Variants in RAB11FIP3 observed in about 807,000 individuals in gnomAD.
RAB11FIP3 encodes rab11 family-interacting protein 3.
A neutral mutation model predicts 77.8 loss-of-function variants in RAB11FIP3; 17 were observed. That is an observed-to-expected ratio of 0.22 (90% CI 0.15 to 0.33). RAB11FIP3 has a LOEUF of 0.33. Among genes scored for constraint, RAB11FIP3 ranks in the 10% least tolerant of loss-of-function variants. The pLI is 1.00. For synonymous variants in RAB11FIP3, 437 were observed against 448.2 expected (o/e 0.98, Z 0.31); for missense variants, 1,005 against 1,011.2 (o/e 0.99, Z 0.08).
At chr16:454,505 C>T (rs117575085) in intron 1 of RAB11FIP3, among the ~76,000 whole-genome samples, 2,730 of 152,108 alleles carry the variant, frequency 0.018, 43 homozygotes, top group Non-Finnish European at 0.028. Flanking sequence ...CGAGTCTAGT[C>T]GTTCACATCT....
At chr16:438,741 G>T (rs1158303956) in intron 1 of RAB11FIP3, among the ~76,000 whole-genome samples, 1 of 150,226 alleles carries the variant, frequency 6.7e-6, no homozygotes, top group African/African-American at 2.5e-5. Flanking sequence ...CCAGGCTGGA[G>T]TGCGGTGGCG....
chr16:431,847 C>T (rs547035283), intron 1 of RAB11FIP3, among the ~76,000 whole-genome samples: 3 of 151,888 alleles, frequency 2.0e-5, no homozygotes, highest in African/African-American at 7.2e-5. Context: ...AGCTCCGCCT[C>T]CCGGGTTTAT....
At chr16:460,312 G>GTTTTAAATTTTTAT (rs1483063283) in intron 1 of RAB11FIP3, among the ~76,000 whole-genome samples, 2 of 152,108 alleles carry the variant, frequency 1.3e-5, no homozygotes, top group Non-Finnish European at 1.5e-5. Flanking sequence ...GAGTATGAAA[G>GTTTTAAATTTTTAT]TTTTAAATTT....
intron 1 of RAB11FIP3, among the ~76,000 whole-genome samples, chr16:453,953 GA>G (rs2055453688): frequency 6.6e-6 from 1 of 151,888 alleles, no homozygotes; most frequent in African/African-American, 2.4e-5. Context: ...GCACATTTCA[GA>G]GTAGGAAAAC....
chr16:501,548 G>C (rs546953762), intron 6 of RAB11FIP3, among the ~76,000 whole-genome samples: 36 of 146,984 alleles, frequency 2.4e-4, no homozygotes, highest in African/African-American at 9.1e-4. Flanking sequence ...CATTTCACAG[G>C]CAAGGAAGCT....
intron 1 of RAB11FIP3, among the ~76,000 whole-genome samples, chr16:440,689 C>G (rs1343265478): frequency 6.6e-6 from 1 of 152,242 alleles, no homozygotes; most frequent in Admixed American, 6.5e-5. Context: ...GCTTTTATCC[C>G]TTATGGGAAG....
intron 3 of RAB11FIP3, chr16:477,564 G>C (rs1415857402): frequency 1.0e-6 from 1 of 955,566 alleles, no homozygotes; most frequent in African/African-American, 1.8e-5. Flanking sequence ...GCCTTTTCCT[G>C]CCTGGCGTCC....
intron 6 of RAB11FIP3, chr16:497,083 G>A (rs2031201899): frequency 1.8e-6 from 1 of 566,288 alleles, no homozygotes; most frequent in African/African-American, 2.0e-5. Context: ...GTACGTGTCA[G>A]AGCTTTTGGT....
intron 1 of RAB11FIP3, among the ~76,000 whole-genome samples, chr16:430,197 C>A (rs1051753007): frequency 6.6e-6 from 1 of 152,112 alleles, no homozygotes; most frequent in South Asian, 2.1e-4. Flanking sequence ...TGACATGACC[C>A]CTTCATACTG....
chr16:508,558 G>C (rs987687183), intron 8 of RAB11FIP3, among the ~76,000 whole-genome samples: 1 of 152,098 alleles, frequency 6.6e-6, no homozygotes, highest in African/African-American at 2.4e-5. Flanking sequence ...ATTTTTAGTA[G>C]AGACGGGGTT....
At chr16:451,993 A>G (rs1440412273) in intron 1 of RAB11FIP3, among the ~76,000 whole-genome samples, 1 of 152,146 alleles carries the variant, frequency 6.6e-6, no homozygotes, top group Non-Finnish European at 1.5e-5. Context: ...TACTAAAAAT[A>G]CAAAAATTAG....
chr16:509,755 C>T (rs900167650), intron 8 of RAB11FIP3, among the ~76,000 whole-genome samples: 1 of 152,186 alleles, frequency 6.6e-6, no homozygotes, highest in Non-Finnish European at 1.5e-5. Flanking sequence ...AGTGGGCCCC[C>T]CCCCCACTTG....
chr16:502,176 C>T (rs1442935291), intron 6 of RAB11FIP3, among the ~76,000 whole-genome samples: 2 of 152,262 alleles, frequency 1.3e-5, no homozygotes, highest in African/African-American at 4.8e-5. Context: ...TTTCTGTACT[C>T]CCGGCAAGTT....
rs1360924528 is a variant in RAB11FIP3, at chr16:520,214, G to A, written c.1953G>A (p.Leu651=). ...GGGGCCGCAGCAGCAGCATGGGCCT[G>A]CAGGAGTACCACAGCCGCGCCCGGG... ...QRRGRSSSMG[L]QEYHSRARES... is the part of the protein sequence containing the mutation. The change falls in exon 12 of 14, where the codon CTG becomes CTA. Residue 651 remains leucine, a synonymous_variant. Transcript: ENST00000262305. 1.3e-6 allele frequency: 2 copies of A among 1,545,900 alleles called. No individual in the cohort carries two copies. The highest frequency in any genetic ancestry group is 1.7e-6 in the Non-Finnish European group (2 of 1,147,940).
rs1163975396 is a variant in RAB11FIP3, at chr16:505,950, C to T, written c.1499+323C>T. On this transcript the variant is annotated intron_variant, in intron 8 of 13. Coordinates refer to ENST00000262305, the MANE Select transcript of RAB11FIP3 (RefSeq NM_014700.4). The surrounding 1 kb of genome is among the most constrained non-coding windows in gnomAD (Gnocchi z 4.0). ...GACTGCGAACCCACGCAGTGCTCAGCCTCACCAGCAGGCCTGGAGGTGCAG... is the reference window on the plus strand; with the variant it reads ...GACTGCGAACCCACGCAGTGCTCAGTCTCACCAGCAGGCCTGGAGGTGCAG... 2.0e-5 allele frequency among the ~76,000 whole-genome samples: 3 copies of T among 152,240 alleles called. No individual in the cohort carries two copies.
rs1304728265 is a variant in RAB11FIP3 at position 507,139 on chromosome 16, GTC to G, written c.1499+1520_1499+1521del. On this transcript the variant is annotated intron_variant, in intron 8 of 13. Coordinates refer to ENST00000262305, the MANE Select transcript of RAB11FIP3 (RefSeq NM_014700.4). The surrounding 1 kb of genome is among the most constrained non-coding windows in gnomAD (Gnocchi z 4.6). ...TTTTTTTTTTTTTTTTTGAGACGGGGTCTCTCTCTGTCTCCAGGCTGGAGTGC... is the reference window on the plus strand; with the variant it reads ...TTTTTTTTTTTTTTTTTGAGACGGGGTCTCTCTGTCTCCAGGCTGGAGTGC... 2.7e-5 allele frequency among the ~76,000 whole-genome samples: 4 copies of G among 150,442 alleles called. No homozygotes were observed. In the South Asian group the frequency reaches 6.3e-4, roughly 24 times the overall value.
At chr16:445,488 A>G (rs901396846) in intron 1 of RAB11FIP3, among the ~76,000 whole-genome samples, 1 of 152,218 alleles carries the variant, frequency 6.6e-6, no homozygotes, top group African/African-American at 2.4e-5. Context: ...TACTATGCCA[A>G]TATGGGAGCT....
At chr16:516,144 C>G (rs2032405516) in intron 9 of RAB11FIP3, among the ~76,000 whole-genome samples, 1 of 152,208 alleles carries the variant, frequency 6.6e-6, no homozygotes. Context: ...GTTTGCAAAG[C>G]AAGAGCAAGT....
chr16:459,055 T>C (rs965100853), intron 1 of RAB11FIP3, among the ~76,000 whole-genome samples: 4 of 152,060 alleles, frequency 2.6e-5, no homozygotes, highest in African/African-American at 9.7e-5. Context: ...TAAAAAATTA[T>C]GAAAATGTCA....
Sources: allele counts gnomAD v4.1 joint callset (sites outside exome capture counted in the v4.1 genomes callset), GRCh38; gene constraint gnomAD v4.1.1; non-coding constraint Gnocchi (gnomAD v3.1); transcripts MANE v1.5; gene names NCBI Gene and HGNC (gene_info 2026-07-23, HGNC 2026-07-21).